AGL: variants seen among roughly 807,000 people sequenced by gnomAD.
AGL encodes the protein glycogen debranching enzyme.
AGL carries 128 observed loss-of-function variants against 199.3 expected under a neutral mutation model. The observed-to-expected ratio is 0.64, with a 90% CI of 0.56 to 0.74. AGL has a LOEUF of 0.74. Among genes scored for constraint, AGL ranks in the 30% least tolerant of loss-of-function variants. The pLI, the probability that AGL is intolerant of heterozygous loss-of-function variation, is 0.00. For missense variants in AGL, 1,809 were observed against 1,820.8 expected (o/e 0.99, Z 0.12); for synonymous variants, 584 against 594.7 (o/e 0.98, Z 0.26).
chr1:99,873,460 GT>G (rs1353227613), intron 7 of AGL, among the ~76,000 whole-genome samples: 2 of 142,980 alleles, frequency 1.4e-5, no homozygotes, highest in African/African-American at 2.6e-5. Context: ...TTGAGACAGA[GT>G]TTCACTCTTG....
At chr1:99,850,824 C>A in intron 1 of AGL, 151 bp from the exon 2 acceptor site, 1 of 561,114 alleles carries the variant, frequency 1.8e-6, no homozygotes, top group Non-Finnish European at 3.2e-6. Context: ...TATTAATTTG[C>A]CTTCTCGAAT....
At chr1:99,892,403 A>G (rs1175908336) in intron 23 of AGL, 29 bp from the exon 24 acceptor site, 5 of 1,600,494 alleles carry the variant, frequency 3.1e-6, no homozygotes, top group Middle Eastern at 1.7e-4. Context: ...TATTTCTACA[A>G]GTAATAAATT....
At chr1:99,916,866 T>C (rs1357284082) in intron 33 of AGL, 135 bp downstream of exon 33, 4 of 928,976 alleles carry the variant, frequency 4.3e-6, no homozygotes, top group Non-Finnish European at 6.5e-6. Flanking sequence ...CTTTATTCTT[T>C]AACATGACAA....
At chr1:99,878,872 A>G (rs1651785359) in intron 12 of AGL, among the ~76,000 whole-genome samples, 1 of 152,208 alleles carries the variant, frequency 6.6e-6, no homozygotes, top group African/African-American at 2.4e-5. Context: ...CAATAGCAAA[A>G]AGAAATATGC....
chr1:99,863,375 G>A lies in AGL; in HGVS notation c.460+952G>A, dbSNP rs572010820. Among the ~76,000 whole-genome samples the A allele has an allele frequency of 6.2e-4, 94 of 152,278 alleles. 2 individuals are homozygous for A. The highest frequency in any genetic ancestry group is 1.1e-3 in the Admixed American group (17 of 15,300). ...TTTACCATATAAAAATCAGAAATAA[G>A]CTATTGAAAAGTGAAGGAAAATGTA... On this transcript the variant is annotated intron_variant, in intron 4 of 33. Coordinates refer to ENST00000361915, the MANE Select transcript of AGL (RefSeq NM_000642.3).
At chr1:99,877,879 C>G in intron 12 of AGL, 51 bp downstream of exon 12, 1 of 1,566,262 alleles carries the variant, frequency 6.4e-7, no homozygotes, top group South Asian at 1.1e-5. Context: ...AGTGTTCCTT[C>G]CTAGCTTTCC....
chr1:99,886,663 A>G (rs1223590934), intron 20 of AGL, among the ~76,000 whole-genome samples: 1 of 152,234 alleles, frequency 6.6e-6, no homozygotes, highest in Non-Finnish European at 1.5e-5. Flanking sequence ...TGTAATTTAA[A>G]TATTAAGCTA....
chr1:99,884,000 A>G, intron 17 of AGL, 120 bp from the exon 18 acceptor site: 1 of 855,562 alleles, frequency 1.2e-6, no homozygotes, highest in South Asian at 1.7e-5. Context: ...AGACTTCTAA[A>G]AAAAAGTAAC....
At chr1:99,898,368 T>C (rs1653512164) in intron 25 of AGL, among the ~76,000 whole-genome samples, 1 of 152,180 alleles carries the variant, frequency 6.6e-6, no homozygotes, top group East Asian at 1.9e-4. Context: ...ACCTTTTTCT[T>C]TTTAAAGGGT....
intron 27 of AGL, among the ~76,000 whole-genome samples, chr1:99,908,813 G>A (rs1654517255): frequency 6.6e-6 from 1 of 152,078 alleles, no homozygotes; most frequent in South Asian, 2.1e-4. Context: ...ACTCTTGTGG[G>A]CTGTGGTTTC....
At chr1:99,910,005 T>C (rs1025330107) in intron 27 of AGL, among the ~76,000 whole-genome samples, 2 of 152,218 alleles carry the variant, frequency 1.3e-5, no homozygotes, top group Admixed American at 6.5e-5. Context: ...ACCAGTATTA[T>C]CTATGATTAA....
chr1:99,872,633 AT>A (rs2101119188), intron 7 of AGL, among the ~76,000 whole-genome samples: 1 of 151,396 alleles, frequency 6.6e-6, no homozygotes, highest in African/African-American at 2.4e-5. Flanking sequence ...GGTTCAAGTG[AT>A]TCTCCTGCCT....
chr1:99,914,550 G>A (rs927069424), intron 30 of AGL, among the ~76,000 whole-genome samples: 1 of 152,222 alleles, frequency 6.6e-6, no homozygotes, highest in Non-Finnish European at 1.5e-5. Flanking sequence ...ATAGTAGAAT[G>A]AAAAGTGTAA....
chr1:99,920,990 T>C (rs1655476658), intron 33 of AGL, among the ~76,000 whole-genome samples: 1 of 152,136 alleles, frequency 6.6e-6, no homozygotes, highest in Non-Finnish European at 1.5e-5. Context: ...ACTGTGAACA[T>C]TAAATGAGAT....
In AGL at chr1:99,877,685, AGTGTTAAATTAC is replaced by A; in HGVS notation, c.1470_1481del (p.Val491_Arg494del). 6.2e-7 allele frequency: 1 copy of A among 1,614,094 alleles called. No individual in the cohort carries two copies. The highest frequency in any genetic ancestry group is 8.5e-7 in the Non-Finnish European group (1 of 1,179,982). ...GAGAGAACTTATTTGCTGGGGAGAC[AGTGTTAAATTAC>A]GCTATGGGAATAAACCAGAGGACTG... On this transcript the variant is annotated inframe_deletion, in exon 12 of 34. Coordinates refer to ENST00000361915, the MANE Select transcript of AGL (RefSeq NM_000642.3).
chr1:99,912,611 G>A (rs1265968962), intron 29 of AGL, 94 bp downstream of exon 29: 15 of 899,918 alleles, frequency 1.7e-5, no homozygotes, highest in Admixed American at 9.2e-5. Context: ...AGCTAATATC[G>A]GAAAACCCTT....
At chr1:99,901,013 A>C in intron 26 of AGL, 152 bp downstream of exon 26, 3 of 747,200 alleles carry the variant, frequency 4.0e-6, no homozygotes, top group Non-Finnish European at 6.5e-6. Flanking sequence ...TGGTACTATA[A>C]GTGATTGGTC....
chr1:99,885,360 C>T (rs977039092), intron 20 of AGL, among the ~76,000 whole-genome samples: 2 of 152,160 alleles, frequency 1.3e-5, no homozygotes, highest in African/African-American at 4.8e-5. Flanking sequence ...ACTTATAAAA[C>T]ACTTAATACA....
chr1:99,910,357 G>A (rs1156273689), intron 27 of AGL, among the ~76,000 whole-genome samples: 3 of 152,010 alleles, frequency 2.0e-5, no homozygotes, highest in Non-Finnish European at 4.4e-5. Context: ...TGGTATAGAG[G>A]GTTTCCCATT....
Sources: allele counts gnomAD v4.1 joint callset (sites outside exome capture counted in the v4.1 genomes callset), GRCh38; gene constraint gnomAD v4.1.1; transcripts MANE v1.5; gene names NCBI Gene and HGNC (gene_info 2026-07-23, HGNC 2026-07-21).